The following TTC28 variants were observed in gnomAD, a reference collection of about 807,000 sequenced individuals.
TTC28 encodes tetratricopeptide repeat protein 28.
A neutral mutation model predicts 198.0 loss-of-function variants in TTC28; 61 were observed. That is an observed-to-expected ratio of 0.31 (90% CI 0.25 to 0.38). TTC28 has a LOEUF of 0.38. Ranked by LOEUF, TTC28 falls within the 10% of genes least tolerant of loss-of-function variation. The pLI is 1.00. For synonymous variants in TTC28, 1,171 were observed against 1,297.8 expected (o/e 0.90, Z 2.10); for missense variants, 2,678 against 3,164.0 (o/e 0.85, Z 3.69).
chr22:28,623,883 A>T (rs2051037571), intron 2 of TTC28, among the ~76,000 whole-genome samples: 1 of 152,168 alleles, frequency 6.6e-6, no homozygotes, highest in African/African-American at 2.4e-5. Flanking sequence ...AAGATGCAGC[A>T]AAAACAGTGC....
At chr22:28,332,363 TAG>T (rs2045630342) in intron 2 of TTC28, among the ~76,000 whole-genome samples, 1 of 151,992 alleles carries the variant, frequency 6.6e-6, no homozygotes, top group South Asian at 2.1e-4. Flanking sequence ...AATGAAAATA[TAG>T]ACTTAATAGA....
chr22:28,318,324 T>C (rs1389791379), intron 2 of TTC28, among the ~76,000 whole-genome samples: 1 of 152,150 alleles, frequency 6.6e-6, no homozygotes, highest in Non-Finnish European at 1.5e-5. Context: ...AGTTCCCTTT[T>C]TTGCTTCTCT....
At chr22:27,995,442 C>G (rs1937534564) in intron 17 of TTC28, among the ~76,000 whole-genome samples, 1 of 152,182 alleles carries the variant, frequency 6.6e-6, no homozygotes, top group South Asian at 2.1e-4. Context: ...CAGGTTGTTC[C>G]CGAGGTAGAA....
chr22:28,269,958 C>T (rs1194846732), intron 5 of TTC28, among the ~76,000 whole-genome samples: 2 of 152,142 alleles, frequency 1.3e-5, no homozygotes, highest in Non-Finnish European at 2.9e-5. Flanking sequence ...TGCAAGAAAA[C>T]ACATGCAAAA....
At chr22:28,331,461 C>G (rs1239997027) in intron 2 of TTC28, among the ~76,000 whole-genome samples, 1 of 151,990 alleles carries the variant, frequency 6.6e-6, no homozygotes, top group Non-Finnish European at 1.5e-5. Context: ...GAATAGATAG[C>G]CAATGATTAC....
At chr22:28,099,328 C>G (rs759633531) in intron 9 of TTC28, among the ~76,000 whole-genome samples, 2 of 152,182 alleles carry the variant, frequency 1.3e-5, no homozygotes, top group Non-Finnish European at 2.9e-5. Flanking sequence ...TAGGTGATCA[C>G]CCATGTGAGC....
At chr22:28,436,268 G>T (rs2047518798) in intron 2 of TTC28, among the ~76,000 whole-genome samples, 1 of 152,166 alleles carries the variant, frequency 6.6e-6, no homozygotes, top group Non-Finnish European at 1.5e-5. Flanking sequence ...GAAGATCACT[G>T]TGCATCTCAT....
At chr22:28,609,429 G>A (rs918336284) in intron 2 of TTC28, among the ~76,000 whole-genome samples, 4 of 152,174 alleles carry the variant, frequency 2.6e-5, no homozygotes, top group Non-Finnish European at 2.9e-5. Flanking sequence ...AGCCCACAGA[G>A]GGCAAGCTGA....
chr22:28,040,632 C>T (rs1219427061), intron 12 of TTC28, among the ~76,000 whole-genome samples: 2 of 152,154 alleles, frequency 1.3e-5, no homozygotes, highest in African/African-American at 2.4e-5. Context: ...CAATACCATA[C>T]CGAATGGGCA....
chr22:27,982,777 G>C lies in TTC28; in HGVS notation c.6890C>G (p.Ala2297Gly). The C allele has an allele frequency of 6.5e-7, 1 of 1,548,518 alleles. No individual in the cohort carries two copies. The highest frequency in any genetic ancestry group is 2.4e-5 in the East Asian group (1 of 40,820). The change falls in exon 23 of 23, where the codon GCT becomes GGT. Residue 2297 changes from alanine to glycine, a missense_variant. This residue lies in a region of TTC28 where 622 missense variants were observed against 656.0 expected (regional missense o/e 0.95). Coordinates refer to ENST00000397906, the MANE Select transcript of TTC28 (RefSeq NM_001145418.2). This position sits in a 1 kb window ranked among gnomAD's most constrained non-coding sequence, Gnocchi z 5.2. ...KLKYPSSPYS[A>G]HISKSPRNMS... ...GTTCCTTGGTGATTTGGAAATGTGA[G>C]CGCTGTAAGGAGAGCTGGGGTACTT...
chr22:28,610,779 C>G (rs1221255304), intron 2 of TTC28, among the ~76,000 whole-genome samples: 1 of 151,900 alleles, frequency 6.6e-6, no homozygotes, highest in African/African-American at 2.4e-5. Flanking sequence ...TCCTTCAAGC[C>G]AAAGGATCAT....
intron 2 of TTC28, among the ~76,000 whole-genome samples, chr22:28,559,266 T>C (rs1021328729): frequency 2.6e-5 from 4 of 152,196 alleles, no homozygotes; most frequent in African/African-American, 9.7e-5. Context: ...AAAATGTCAT[T>C]AGTTTCACTT....
At chr22:28,124,834 G>A (rs2146948597) in intron 6 of TTC28, among the ~76,000 whole-genome samples, 1 of 152,272 alleles carries the variant, frequency 6.6e-6, no homozygotes, top group African/African-American at 2.4e-5. Context: ...TTGGAGTTGA[G>A]GTAGAAGGTA....
At chr22:28,372,154 G>A (rs1031372436) in intron 2 of TTC28, among the ~76,000 whole-genome samples, 2 of 152,042 alleles carry the variant, frequency 1.3e-5, no homozygotes, top group Non-Finnish European at 1.5e-5. Flanking sequence ...AATGACAGAT[G>A]ATAGATTTAA....
At chr22:28,133,058 A>C (rs1231846066) in intron 6 of TTC28, among the ~76,000 whole-genome samples, 1 of 152,174 alleles carries the variant, frequency 6.6e-6, no homozygotes, top group Non-Finnish European at 1.5e-5. Context: ...CCCCGTCTCT[A>C]CAAAAAATAC....
chr22:28,464,272 G>A (rs750086832), intron 2 of TTC28, among the ~76,000 whole-genome samples: 5 of 152,194 alleles, frequency 3.3e-5, no homozygotes, highest in African/African-American at 7.2e-5. Flanking sequence ...AACTGGATGT[G>A]ATACTGGAGT....
chr22:28,411,187 T>C (rs1401095648), intron 2 of TTC28, among the ~76,000 whole-genome samples: 1 of 152,172 alleles, frequency 6.6e-6, no homozygotes, highest in African/African-American at 2.4e-5. Flanking sequence ...TTCTAATAGG[T>C]TTTAGATTAA....
intron 2 of TTC28, among the ~76,000 whole-genome samples, chr22:28,423,391 G>A (rs753283940): frequency 1.3e-5 from 2 of 150,624 alleles, no homozygotes; most frequent in Non-Finnish European, 3.0e-5. Context: ...CTCCGTATCA[G>A]AAAAAAAGAA....
At chr22:28,481,841 A>C (rs1293673606) in intron 2 of TTC28, among the ~76,000 whole-genome samples, 1 of 152,154 alleles carries the variant, frequency 6.6e-6, no homozygotes, top group African/African-American at 2.4e-5. Context: ...CACCACCCCC[A>C]AGCTGGAAGG....
Sources: allele counts gnomAD v4.1 joint callset (sites outside exome capture counted in the v4.1 genomes callset), GRCh38; gene constraint gnomAD v4.1.1; regional missense constraint gnomAD v4.1.1; non-coding constraint Gnocchi (gnomAD v3.1); transcripts MANE v1.5; gene names NCBI Gene and HGNC (gene_info 2026-07-23, HGNC 2026-07-21).